The following PHF24 variants were observed in gnomAD, a reference collection of about 807,000 sequenced individuals.
PHF24 encodes the protein PHD finger protein 24.
PHF24 carries 25 observed loss-of-function variants against 42.6 expected under a neutral mutation model. The observed-to-expected ratio is 0.59, with a 90% confidence interval of 0.43 to 0.82. PHF24 has a LOEUF of 0.82. PHF24 is among the 40% of genes least tolerant of loss of function. PHF24 has a pLI of 0.00. For synonymous variants in PHF24, 185 were observed against 204.8 expected (o/e 0.90, Z 0.83); for missense variants, 470 against 538.1 (o/e 0.87, Z 1.25).
At chr9:34,864,573 A>T in the PHF24 span, among the ~76,000 whole-genome samples, 1 of 152,340 alleles carries the variant, frequency 6.6e-6, no homozygotes, top group East Asian at 1.9e-4. Flanking sequence ...GATGAAGGAG[A>T]AATAAAGACT....
chr9:34,844,370 G>A, the PHF24 span, among the ~76,000 whole-genome samples: 1 of 151,822 alleles, frequency 6.6e-6, no homozygotes, highest in South Asian at 2.1e-4. Flanking sequence ...AGTTCCTTGA[G>A]GTGTAACATT....
At chr9:34,913,210 A>G in the PHF24 span, among the ~76,000 whole-genome samples, 2 of 152,216 alleles carry the variant, frequency 1.3e-5, no homozygotes, top group African/African-American at 4.8e-5. Flanking sequence ...AATATCAAAA[A>G]GATAAAATTC....
chr9:34,767,820 C>T, the PHF24 span, among the ~76,000 whole-genome samples: 571 of 152,312 alleles, frequency 3.7e-3, 3 homozygotes, highest in Non-Finnish European at 3.8e-3. Context: ...AGCTGTAGAC[C>T]GGAGCTGTTC....
chr9:34,708,981 A>C, the PHF24 span: 3 of 184,516 alleles, frequency 1.6e-5, no homozygotes, highest in Admixed American at 6.2e-5. Context: ...ATCTCGGTGG[A>C]CATAAACACA....
the PHF24 span, among the ~76,000 whole-genome samples, chr9:34,895,322 G>A: frequency 6.6e-6 from 1 of 151,956 alleles, no homozygotes; most frequent in African/African-American, 2.4e-5. Flanking sequence ...TCATAAGTTC[G>A]GTGGGGACTT....
chr9:34,708,386 T>C, the PHF24 span, among the ~76,000 whole-genome samples: 10 of 151,858 alleles, frequency 6.6e-5, no homozygotes, highest in East Asian at 1.2e-3. Context: ...GGGGCCCAGA[T>C]AGGAATAGAA....
chr9:34,815,203 G>T, the PHF24 span, among the ~76,000 whole-genome samples: 9 of 152,038 alleles, frequency 5.9e-5, no homozygotes, highest in Admixed American at 5.2e-4. Flanking sequence ...TAGCCTAATT[G>T]GTTGCTTCCG....
chr9:34,886,834 G>GTATC, the PHF24 span, among the ~76,000 whole-genome samples: 8,569 of 148,746 alleles, frequency 0.058, 250 homozygotes, highest in African/African-American at 0.086. Context: ...ATGTATCTAT[G>GTATC]TATCTATCTA....
At chr9:34,706,357 T>G in the PHF24 span, among the ~76,000 whole-genome samples, 1 of 152,160 alleles carries the variant, frequency 6.6e-6, no homozygotes, top group African/African-American at 2.4e-5. Context: ...TTAAAATAGG[T>G]AAATCAAGAA....
At chr9:34,755,221 G>A in the PHF24 span, among the ~76,000 whole-genome samples, 2 of 152,296 alleles carry the variant, frequency 1.3e-5, no homozygotes, top group African/African-American at 4.8e-5. Context: ...TGGATTGTTT[G>A]TAAGACAAAG....
the PHF24 span, among the ~76,000 whole-genome samples, chr9:34,762,453 G>A: frequency 6.6e-6 from 1 of 151,288 alleles, no homozygotes; most frequent in Non-Finnish European, 1.5e-5. Flanking sequence ...GTCAGTGATG[G>A]TGAGCATTTT....
chr9:34,866,570 A>G, the PHF24 span, among the ~76,000 whole-genome samples: 1 of 152,218 alleles, frequency 6.6e-6, no homozygotes, highest in African/African-American at 2.4e-5. Context: ...TGCAGAATGC[A>G]TAGCATTGAC....
At chr9:34,746,190 G>T in the PHF24 span, among the ~76,000 whole-genome samples, 1 of 152,208 alleles carries the variant, frequency 6.6e-6, no homozygotes, top group African/African-American at 2.4e-5. Context: ...ATCCTGAAGA[G>T]CTGTACCATA....
the PHF24 span, among the ~76,000 whole-genome samples, chr9:34,825,062 A>T: frequency 1.1e-4 from 17 of 152,014 alleles, no homozygotes; most frequent in Non-Finnish European, 4.4e-5. Flanking sequence ...TACATATGAG[A>T]TCATGTCTTG....
the PHF24 span, among the ~76,000 whole-genome samples, chr9:34,839,321 G>A: frequency 1.3e-5 from 2 of 152,104 alleles, no homozygotes; most frequent in African/African-American, 2.4e-5. Context: ...GCTTGTGGTT[G>A]GATCTATTCA....
the PHF24 span, among the ~76,000 whole-genome samples, chr9:34,807,718 G>A: frequency 6.6e-6 from 1 of 152,108 alleles, no homozygotes. Flanking sequence ...GATCTATATT[G>A]TCTTGATACA....
chr9:34,835,520 A>C, the PHF24 span: 1 of 1,551,890 alleles, frequency 6.4e-7, no homozygotes, highest in Non-Finnish European at 8.7e-7. Flanking sequence ...GTTCAGGGAC[A>C]GCAAGGAGAC....
the PHF24 span, among the ~76,000 whole-genome samples, chr9:34,741,490 G>C: frequency 6.6e-6 from 1 of 151,948 alleles, no homozygotes; most frequent in Non-Finnish European, 1.5e-5. Context: ...AGCCTCCTGA[G>C]TAGCTGGGAT....
the PHF24 span, among the ~76,000 whole-genome samples, chr9:34,941,595 T>A: frequency 6.6e-6 from 1 of 152,200 alleles, no homozygotes; most frequent in Non-Finnish European, 1.5e-5. Context: ...GGGTACCTTA[T>A]AAACAACAGA....
Sources: gnomAD v4.1 joint callset for allele counts (sites outside exome capture counted in the v4.1 genomes callset) on GRCh38, gnomAD v4.1.1 for gene constraint, MANE v1.5 for transcripts, NCBI Gene and HGNC (gene_info 2026-07-23, HGNC 2026-07-21) for gene names.